IQCH: variants seen among roughly 807,000 people sequenced by gnomAD.
The protein encoded by IQCH is IQ motif containing H, also known as IQ domain-containing protein H.
A neutral mutation model predicts 117.0 loss-of-function variants in IQCH; 98 were observed. The observed-to-expected ratio is 0.84, with a 90% CI of 0.71 to 0.99. IQCH has a LOEUF of 0.99. IQCH is among the 50% of genes least tolerant of loss of function. IQCH has a pLI of 0.00. For synonymous variants in IQCH, 412 were observed against 448.2 expected, an observed-to-expected ratio of 0.92 and a Z score of 1.02; for missense variants, 1,102 against 1,243.8, an observed-to-expected ratio of 0.89 and a Z score of 1.72.
chr15:67,338,990 A>G (rs1046793657), intron 5 of IQCH, among the ~76,000 whole-genome samples: 1 of 152,188 alleles, frequency 6.6e-6, no homozygotes, highest in Admixed American at 6.5e-5. Flanking sequence ...CACTTCCTCA[A>G]GCACCTGCCC....
In IQCH at chr15:67,424,212, C is replaced by T. The variant is rs1037090171; in HGVS notation, c.2505+2635C>T. Among the ~76,000 whole-genome samples the T allele has an allele frequency of 1.3e-5, 2 of 152,180 alleles. No homozygotes were observed. The highest frequency in any genetic ancestry group is 4.8e-5 in the African/African-American group (2 of 41,434). On this transcript the variant is annotated intron_variant, in intron 16 of 20. Transcript: ENST00000335894. This position sits in a 1 kb window ranked among gnomAD's most constrained non-coding sequence, Gnocchi z 4.9. Reference sequence around the variant, plus strand: ...TTCCCTCTTACTCATCATATTCCCTCTACCACAGGGCCTAAACATGCTGTT... The same window carrying T: ...TTCCCTCTTACTCATCATATTCCCTTTACCACAGGGCCTAAACATGCTGTT...
At chr15:67,328,057 C>T (rs934391495) in intron 4 of IQCH, among the ~76,000 whole-genome samples, 3 of 152,188 alleles carry the variant, frequency 2.0e-5, no homozygotes, top group African/African-American at 4.8e-5. Context: ...TGTTGAAGTT[C>T]CCTTCTTTCA....
intron 4 of IQCH, among the ~76,000 whole-genome samples, chr15:67,311,940 G>A (rs1967616453): frequency 6.6e-6 from 1 of 152,144 alleles, no homozygotes; most frequent in Non-Finnish European, 1.5e-5. Flanking sequence ...GGGGAATCCA[G>A]GAAGAGAGCC....
rs35806920 is a variant in IQCH, at chr15:67,413,070, G to GGTGTGT, written c.2098-3836_2098-3831dup. Among the ~76,000 whole-genome samples the GGTGTGT allele has an allele frequency of 3.5e-3, 520 of 147,948 alleles. 3 individuals carry two copies. Among genetic ancestry groups the GGTGTGT allele is most frequent in the South Asian group, 0.014 (66 of 4,610 alleles). On this transcript the variant is annotated intron_variant, in intron 14 of 20. Transcript: ENST00000335894. The surrounding 1 kb of genome is among the most constrained non-coding windows in gnomAD (Gnocchi z 5.0). ...ATTGGAGTGTTTGTCTGTTATGGAA[G>GGTGTGT]GTGTGTGTGTGTGTGTGTGTGTGTG...
chr15:67,263,084 C>T (rs1029849254), intron 2 of IQCH, 38 bp from the exon 3 acceptor site: 10 of 1,087,600 alleles, frequency 9.2e-6, no homozygotes, highest in African/African-American at 1.5e-5. Flanking sequence ...TATCTTAAGT[C>T]CACAATAATT....
At chr15:67,355,240 A>G (rs1183907509) in intron 6 of IQCH, among the ~76,000 whole-genome samples, 3 of 152,122 alleles carry the variant, frequency 2.0e-5, no homozygotes, top group Non-Finnish European at 4.4e-5. Context: ...TTTTTTTTCT[A>G]ATTTGCTAGG....
chr15:67,478,808 T>C (rs926113348), intron 18 of IQCH, among the ~76,000 whole-genome samples: 17 of 151,046 alleles, frequency 1.1e-4, no homozygotes, highest in Middle Eastern at 3.4e-3. Flanking sequence ...CCTGTAATCC[T>C]AGCTACTCGG....
rs1969285837 is a variant in IQCH at position 67,344,149 on chromosome 15, C to T, written c.595C>T (p.Pro199Ser). Reference protein sequence around the residue: ...QNPPITPRAAPLHSFDEARKI... With the variant: ...QNPPITPRAASLHSFDEARKI... ...TCCACCCATTACACCCAGAGCAGCT[C>T]CTCTGCATAGTTTTGATGAAGCACG... is the stretch of plus-strand genomic sequence containing the variant. The change falls in exon 6 of 21, where the codon CCT becomes TCT. Residue 199 changes from proline to serine, a missense_variant. Physicochemically the swap from Pro to Ser is moderately conservative, Grantham distance 74 (BLOSUM62 -1). Coordinates refer to ENST00000335894, the MANE Select transcript of IQCH (RefSeq NM_001031715.3). The T allele has an allele frequency of 1.9e-6, 3 of 1,613,664 alleles. No homozygotes were observed. The highest frequency in any genetic ancestry group is 1.3e-5 in the African/African-American group (1 of 74,902).
In IQCH at chr15:67,425,467, C is replaced by T. The variant is rs2081862433; in HGVS notation, c.2505+3890C>T. ...TCTCTACTAAAAATACAAAAATTAG[C>T]TGGGCGTGGTGGCATGTGCCTGTAG... On this transcript the variant is annotated intron_variant, in intron 16 of 20. Coordinates refer to ENST00000335894, the MANE Select transcript of IQCH (RefSeq NM_001031715.3). The surrounding 1 kb of genome is among the most constrained non-coding windows in gnomAD (Gnocchi z 5.5). Among the ~76,000 whole-genome samples, 1 of 152,136 alleles carries T rather than the reference C, an allele frequency of 6.6e-6. No homozygotes were observed. The highest frequency in any genetic ancestry group is 1.5e-5 in the Non-Finnish European group (1 of 68,028).
intron 3 of IQCH, among the ~76,000 whole-genome samples, chr15:67,276,731 G>A (rs1966140679): frequency 6.6e-6 from 1 of 151,248 alleles, no homozygotes; most frequent in African/African-American, 2.4e-5. Context: ...TTTTCTCCCT[G>A]GCTTCTTGCA....
chr15:67,263,007 A>T, intron 2 of IQCH, 115 bp from the exon 3 acceptor site: 1 of 685,036 alleles, frequency 1.5e-6, no homozygotes, highest in Non-Finnish European at 2.6e-6. Flanking sequence ...AATAATACAT[A>T]GCATGTTGTG....
chr15:67,477,068 T>G lies in IQCH; in HGVS notation c.2799+1250T>G, dbSNP rs1226478728. On this transcript the variant is annotated intron_variant, in intron 18 of 20. Transcript: ENST00000335894. ...TCTTTTTTTTTTTTTTTTTTTTTTT[T>G]TGAGACAGAGTCTCATTCTGTCACC... 2.1e-5 allele frequency among the ~76,000 whole-genome samples: 3 copies of G among 141,966 alleles called. No individual in the cohort carries two copies. In the East Asian group the frequency reaches 5.9e-4, roughly 28 times the overall value. 93.1% of individuals were successfully genotyped at this position (141,966 alleles called of 152,430 possible).
At chr15:67,288,542 A>G (rs942042650) in intron 4 of IQCH, among the ~76,000 whole-genome samples, 2 of 151,880 alleles carry the variant, frequency 1.3e-5, no homozygotes, top group African/African-American at 2.4e-5. Context: ...CTTGAAATCT[A>G]TTTTGTCTGG....
chr15:67,354,370 A>G (rs1969797460), intron 6 of IQCH, among the ~76,000 whole-genome samples: 1 of 152,180 alleles, frequency 6.6e-6, no homozygotes, highest in South Asian at 2.1e-4. Context: ...CCAAAAGAAA[A>G]AAAAATCATT....
chr15:67,488,749 C>T (rs2083561753), intron 18 of IQCH, among the ~76,000 whole-genome samples: 1 of 152,178 alleles, frequency 6.6e-6, no homozygotes, highest in African/African-American at 2.4e-5. Flanking sequence ...GAGCATGCAA[C>T]CTAGATCCCT....
chr15:67,317,529 T>A (rs1204642869), intron 4 of IQCH, among the ~76,000 whole-genome samples: 3 of 152,120 alleles, frequency 2.0e-5, no homozygotes, highest in Non-Finnish European at 2.9e-5. Context: ...CATGATAATG[T>A]CTATCCAGCT....
chr15:67,372,803 C>G (rs565355546), intron 9 of IQCH, 141 bp downstream of exon 9: 1 of 668,518 alleles, frequency 1.5e-6, no homozygotes, highest in African/African-American at 1.8e-5. Flanking sequence ...TTTCACTCCC[C>G]TCAATGTATG....
chr15:67,423,597 AAAAAAAG>A (rs1426159691), intron 16 of IQCH, among the ~76,000 whole-genome samples: 1 of 151,072 alleles, frequency 6.6e-6, no homozygotes, highest in Non-Finnish European at 1.5e-5. Context: ...CAAAAAAAAA[AAAAAAAG>A]AAAGAAAAGA....
At position 67,365,276 on chromosome 15, in the gene IQCH, A is replaced by T. The variant is rs942551355; in HGVS notation, c.753+5391A>T. ...AACTTCTTGATCAAAGGGTATGGAC[A>T]TTTTTGTATCTCAGTAGCCAAACTT... On this transcript the variant is annotated intron_variant, in intron 8 of 20. Coordinates refer to ENST00000335894, the MANE Select transcript of IQCH (RefSeq NM_001031715.3). This position sits in a 1 kb window ranked among gnomAD's most constrained non-coding sequence, Gnocchi z 4.4. 6.6e-6 allele frequency among the ~76,000 whole-genome samples: 1 copy of T among 152,206 alleles called. No individual in the cohort carries two copies. Among genetic ancestry groups the T allele is most frequent in the East Asian group, 1.9e-4 (1 of 5,200 alleles).
Sources: gnomAD v4.1 joint callset for allele counts (sites outside exome capture counted in the v4.1 genomes callset) on GRCh38, gnomAD v4.1.1 for gene constraint, Gnocchi (gnomAD v3.1) non-coding constraint, MANE v1.5 for transcripts, NCBI Gene and HGNC (gene_info 2026-07-23, HGNC 2026-07-21) for gene names.